Variants in ANO3 observed in about 807,000 individuals in gnomAD.
ANO3 encodes the protein anoctamin 3.
ANO3 carries 99 observed loss-of-function variants against 144.8 expected under a neutral mutation model. That is an observed-to-expected ratio of 0.68 (90% CI 0.58 to 0.81). The LOEUF (loss-of-function observed/expected upper bound fraction) is 0.81, where lower values mean the gene tolerates loss of function less well. Ranked by LOEUF, ANO3 falls within the 30% of genes least tolerant of loss-of-function variation. The pLI is 0.00. For synonymous variants in ANO3, 414 were observed against 392.6 expected, an observed-to-expected ratio of 1.05 and a Z score of -0.64; for missense variants, 905 against 1,202.2, an observed-to-expected ratio of 0.75 and a Z score of 3.66.
At chr11:26,391,428 T>C (rs1360092864) in intron 1 of ANO3, among the ~76,000 whole-genome samples, 3 of 152,144 alleles carry the variant, frequency 2.0e-5, no homozygotes, top group East Asian at 1.9e-4. Flanking sequence ...ACTGTTAATA[T>C]TGGTTATTAA....
chr11:26,251,894 A>G (rs989107306), intron 1 of ANO3, among the ~76,000 whole-genome samples: 1 of 152,120 alleles, frequency 6.6e-6, no homozygotes, highest in Non-Finnish European at 1.5e-5. Flanking sequence ...CCTCACACCA[A>G]ATACCTTCCT....
intron 1 of ANO3, among the ~76,000 whole-genome samples, chr11:26,208,696 A>G (rs527772705): frequency 1.3e-5 from 2 of 152,294 alleles, no homozygotes; most frequent in African/African-American, 4.8e-5. Flanking sequence ...ATATCAAAAC[A>G]AAATATGTCC....
rs1565133907 is a variant in ANO3 at position 26,599,621 on chromosome 11, A to G, written c.1743A>G (p.Ser581=). The G allele has an allele frequency of 1.2e-6, 2 of 1,614,172 alleles. No individual in the cohort carries two copies. Among genetic ancestry groups the G allele is most frequent in the Non-Finnish European group, 8.5e-7 (1 of 1,180,018 alleles). Residue 581 remains serine, a synonymous_variant, in exon 17 of 27, where the codon TCA becomes TCG. Coordinates refer to ENST00000256737, the MANE Select transcript of ANO3 (RefSeq NM_031418.4). ...TGGTTGTCATGGAACAGTTTGCATCATTCAAGTGGAATTTCATCAAACAAT... is the reference window on the plus strand; with the variant it reads ...TGGTTGTCATGGAACAGTTTGCATCGTTCAAGTGGAATTTCATCAAACAAT... ...YRLVVMEQFA[S]FKWNFIKQYW...
intron 6 of ANO3, among the ~76,000 whole-genome samples, chr11:26,519,189 A>G (rs547649746): frequency 6.6e-6 from 1 of 152,318 alleles, no homozygotes; most frequent in African/African-American, 2.4e-5. Flanking sequence ...AGCAACTATC[A>G]TAAGCATGTC....
intron 1 of ANO3, among the ~76,000 whole-genome samples, chr11:26,438,256 C>T (rs952720510): frequency 1.4e-4 from 21 of 152,112 alleles, no homozygotes; most frequent in Non-Finnish European, 2.5e-4. Context: ...GTTTTTAAAA[C>T]ACCTGACCAA....
chr11:26,328,758 A>G (rs1265924191), upstream of ANO3, among the ~76,000 whole-genome samples: 1 of 152,168 alleles, frequency 6.6e-6, no homozygotes, highest in African/African-American at 2.4e-5. Flanking sequence ...GAAAAATTGA[A>G]GTTGTAGCAA....
At chr11:26,535,571 CTTTTTTTT>C (rs72278856) in intron 9 of ANO3, among the ~76,000 whole-genome samples, 2 of 58,610 alleles carry the variant, frequency 3.4e-5, no homozygotes, top group South Asian at 1.1e-3. Context: ...AAGACAGCCA[CTTTTTTTT>C]TTTTTTTTTT....
intron 1 of ANO3, among the ~76,000 whole-genome samples, chr11:26,313,794 G>T (rs1435253772): frequency 6.6e-6 from 1 of 151,324 alleles, no homozygotes; most frequent in Non-Finnish European, 1.5e-5. Flanking sequence ...AAAACAATTT[G>T]TTAAATGCTA....
intron 4 of ANO3, among the ~76,000 whole-genome samples, chr11:26,506,520 A>G (rs949223866): frequency 1.3e-5 from 2 of 152,246 alleles, no homozygotes; most frequent in East Asian, 3.8e-4. Context: ...TGGAACTACA[A>G]GGCCCTGGTG....
chr11:26,441,114 T>G (rs1227538229), intron 1 of ANO3, among the ~76,000 whole-genome samples: 3 of 107,740 alleles, frequency 2.8e-5, no homozygotes, highest in Non-Finnish European at 6.0e-5. Flanking sequence ...CAGTTTTTTT[T>G]TTTTTTTTTT....
chr11:26,530,489 CT>C (rs1849338160), intron 7 of ANO3, among the ~76,000 whole-genome samples: 1 of 29,010 alleles, frequency 3.4e-5, no homozygotes, highest in African/African-American at 7.2e-5. Flanking sequence ...ATCTATCTAT[CT>C]ATCTATCTAT....
chr11:26,518,996 C>G (rs2134156470), intron 6 of ANO3, among the ~76,000 whole-genome samples: 1 of 152,108 alleles, frequency 6.6e-6, no homozygotes, highest in South Asian at 2.1e-4. Context: ...AAGAATGACA[C>G]AAGAAAATGA....
intron 4 of ANO3, among the ~76,000 whole-genome samples, chr11:26,483,635 A>T (rs886241278): frequency 6.6e-6 from 1 of 152,188 alleles, no homozygotes; most frequent in African/African-American, 2.4e-5. Context: ...CCATGAGCCA[A>T]TTAAACCTCT....
chr11:26,456,004 G>A (rs1341868526), intron 3 of ANO3, among the ~76,000 whole-genome samples: 1 of 151,300 alleles, frequency 6.6e-6, no homozygotes, highest in African/African-American at 2.4e-5. Context: ...ATGGTGCTGG[G>A]AAAACTGGCT....
intron 1 of ANO3, among the ~76,000 whole-genome samples, chr11:26,390,199 C>A (rs1856838205): frequency 6.6e-6 from 1 of 152,006 alleles, no homozygotes; most frequent in African/African-American, 2.4e-5. Flanking sequence ...CTTTTAAGCT[C>A]CTTTTAGTGA....
At chr11:26,635,884 C>G (rs1852942186) in intron 20 of ANO3, among the ~76,000 whole-genome samples, 1 of 152,284 alleles carries the variant, frequency 6.6e-6, no homozygotes, top group African/African-American at 2.4e-5. Context: ...TCAGTTTCCT[C>G]TTTTGTAAAT....
chr11:26,409,240 AC>A (rs2133983969), intron 1 of ANO3, among the ~76,000 whole-genome samples: 1 of 151,918 alleles, frequency 6.6e-6, no homozygotes, highest in Non-Finnish European at 1.5e-5. Flanking sequence ...AGGTATACTT[AC>A]ACACTCCAGG....
chr11:26,465,526 A>G (rs1228793114), intron 4 of ANO3, among the ~76,000 whole-genome samples: 2 of 151,846 alleles, frequency 1.3e-5, no homozygotes, highest in African/African-American at 2.4e-5. Flanking sequence ...AAGGGGGGAA[A>G]GTAACTCCTA....
intron 1 of ANO3, among the ~76,000 whole-genome samples, chr11:26,418,749 G>A (rs1423248892): frequency 1.3e-5 from 2 of 151,880 alleles, no homozygotes; most frequent in Non-Finnish European, 2.9e-5. Flanking sequence ...CTCTCTGCAC[G>A]TTGTGTCCTT....
Sources: gnomAD v4.1 joint callset for allele counts (sites outside exome capture counted in the v4.1 genomes callset) on GRCh38, gnomAD v4.1.1 for gene constraint, MANE v1.5 for transcripts, NCBI Gene and HGNC (gene_info 2026-07-23, HGNC 2026-07-21) for gene names.